The following MBOAT7 variants were observed in gnomAD, a reference collection of about 807,000 sequenced individuals.
MBOAT7 encodes membrane-bound acylglycerophosphatidylinositol O-acyltransferase MBOAT7.
Under a neutral mutation model 47.4 loss-of-function variants are expected in MBOAT7, and 40 were observed. The observed-to-expected ratio is 0.84, with a 90% confidence interval of 0.66 to 1.10. MBOAT7 has a LOEUF of 1.10. Ranked by LOEUF, MBOAT7 falls within the 50% of genes least tolerant of loss-of-function variation. MBOAT7 has a pLI of 0.00. For synonymous variants in MBOAT7, 361 were observed against 292.0 expected, an observed-to-expected ratio of 1.24 and a Z score of -2.41; for missense variants, 680 against 655.6, an observed-to-expected ratio of 1.04 and a Z score of -0.41.
intron 5 of MBOAT7, 68 bp from the exon 6 acceptor site, chr19:54,181,201 G>A: frequency 2.1e-6 from 3 of 1,434,366 alleles, no homozygotes; most frequent in South Asian, 1.5e-5. Flanking sequence ...TGCAGGAGGA[G>A]GACAGGGAGC....
chr19:54,175,708 C>T (rs2146961745), intron 7 of MBOAT7, among the ~76,000 whole-genome samples: 1 of 152,288 alleles, frequency 6.6e-6, no homozygotes, highest in South Asian at 2.1e-4. Context: ...CGCCACCAAA[C>T]TCAGCTAATT....
At chr19:54,184,040 G>C (rs911097310) in intron 4 of MBOAT7, among the ~76,000 whole-genome samples, 10 of 152,032 alleles carry the variant, frequency 6.6e-5, no homozygotes, top group African/African-American at 2.2e-4. Context: ...AACGGAACAT[G>C]ATGTTACCCA....
Position 54,178,774 on chromosome 19 carries a change from T to C in MBOAT7, c.1022A>G (p.Tyr341Cys), listed in dbSNP as rs2076181786. 21 of 1,613,252 alleles carry C rather than the reference T, an allele frequency of 1.3e-5. No individual in the cohort carries two copies. Among genetic ancestry groups the C allele is most frequent in the South Asian group, 5.5e-5 (5 of 91,082 alleles). The change falls in exon 7 of 8, where the codon TAT becomes TGT. Residue 341 changes from tyrosine (Y) to cysteine (C), a missense_variant. Transcript: ENST00000245615. The part of the protein sequence containing the change: ...YIYKSAPARS[Y>C]VLRSAWTMLL... ...GGGCGGGCTCACTCACCGCAGGACATAGGAACGGGCAGGTGCGCTCTTGTA... is the reference window on the plus strand; with the variant it reads ...GGGCGGGCTCACTCACCGCAGGACACAGGAACGGGCAGGTGCGCTCTTGTA...
intron 7 of MBOAT7, among the ~76,000 whole-genome samples, chr19:54,176,284 T>C (rs1253235530): frequency 6.6e-6 from 1 of 152,188 alleles, no homozygotes; most frequent in East Asian, 1.9e-4. Context: ...CCATTGCACC[T>C]GGCCAACTCT....
At chr19:54,176,048 G>A (rs887831495) in intron 7 of MBOAT7, among the ~76,000 whole-genome samples, 2 of 152,002 alleles carry the variant, frequency 1.3e-5, no homozygotes, top group African/African-American at 4.8e-5. Flanking sequence ...GTAGAGATGG[G>A]GTTTCACCAC....
intron 3 of MBOAT7, among the ~76,000 whole-genome samples, chr19:54,187,640 C>T (rs2076466872): frequency 6.6e-6 from 1 of 152,212 alleles, no homozygotes; most frequent in Non-Finnish European, 1.5e-5. Context: ...CCAGCAGACA[C>T]ACTGTCCACC....
intron 6 of MBOAT7, chr19:54,179,867 C>T (rs1481201557): frequency 6.6e-6 from 1 of 152,162 alleles, no homozygotes; most frequent in Non-Finnish European, 1.5e-5. Context: ...CCCCCAGCCG[C>T]AGTCCAAGCC....
At chr19:54,184,209 C>G (rs1491003604) in intron 4 of MBOAT7, among the ~76,000 whole-genome samples, 1 of 132,604 alleles carries the variant, frequency 7.5e-6, no homozygotes, top group Non-Finnish European at 1.6e-5. Flanking sequence ...TGTCACCAGG[C>G]TGGAGTATAC....
chr19:54,180,950 G>A lies in MBOAT7; in HGVS notation c.677C>T (p.Pro226Leu), dbSNP rs770883180. The A allele has an allele frequency of 5.7e-6, 9 of 1,582,786 alleles. No homozygotes were observed. Among genetic ancestry groups the A allele is most frequent in the East Asian group, 2.3e-5 (1 of 43,830 alleles). The stretch of plus-strand genomic sequence containing the variant: ...CATGTAGAAGAGGCGGGCGGGCAGC[G>A]GGCGGGCGTAGAAGGCGTCCTCGCG... ...AVREDAFYAR[P>L]LPARLFYMIP... is the part of the protein sequence containing the mutation. The change falls in exon 6 of 8, where the codon CCG becomes CTG. Residue 226 changes from proline to leucine, a missense_variant. Pro to Leu is a moderately conservative substitution (Grantham distance 98). Transcript: ENST00000245615. This position sits in a 1 kb window ranked among gnomAD's most constrained non-coding sequence, Gnocchi z 5.2.
At chr19:54,178,581 G>C (rs1330215337) in intron 7 of MBOAT7, 184 bp downstream of exon 7, 1 of 1,427,118 alleles carries the variant, frequency 7.0e-7, no homozygotes, top group African/African-American at 1.4e-5. Context: ...CCCGAGAGGG[G>C]GAACGATTTT....
chr19:54,187,570 C>G (rs1282328297), intron 3 of MBOAT7, among the ~76,000 whole-genome samples: 10 of 152,166 alleles, frequency 6.6e-5, no homozygotes, highest in Admixed American at 6.6e-4. Context: ...TTCTTTATTT[C>G]CGAGGTCCAG....
At chr19:54,181,637 G>A (rs1323329713) in intron 5 of MBOAT7, among the ~76,000 whole-genome samples, 21 of 125,234 alleles carry the variant, frequency 1.7e-4, no homozygotes, top group Middle Eastern at 4.3e-3. Context: ...GAGGGAGGGA[G>A]GGAAGGAGTG....
rs908586885 is a variant in MBOAT7, at chr19:54,178,611, A to G, written c.1031+154T>C. 9 of 1,430,940 alleles carry G rather than the reference A, an allele frequency of 6.3e-6. No individual in the cohort carries two copies. The Admixed American group carries it at 1.2e-4, about 19-fold the overall frequency. The allele number at this position is 1,430,940 out of a possible 1,614,324, so 88.6% of individuals were successfully genotyped here. ...GATTTTACACCGGCATGCTGCCACT[A>G]TAATTAGAGGCAGGGCAAAACCAGG... On this transcript the variant is annotated intron_variant, in intron 7 of 7. Coordinates refer to ENST00000245615, the MANE Select transcript of MBOAT7 (RefSeq NM_024298.5).
intron 4 of MBOAT7, among the ~76,000 whole-genome samples, chr19:54,185,427 G>T (rs987584901): frequency 2.0e-5 from 3 of 151,994 alleles, no homozygotes; most frequent in African/African-American, 7.2e-5. Flanking sequence ...GGTTGGGAAC[G>T]GCTCCTTCTG....
chr19:54,187,038 G>T, intron 4 of MBOAT7, 123 bp downstream of exon 4: 2 of 1,239,466 alleles, frequency 1.6e-6, no homozygotes, highest in Non-Finnish European at 2.2e-6. Flanking sequence ...CAAGTGAGGT[G>T]ACGTCCCACC....
chr19:54,187,518 T>C (rs866469964), intron 3 of MBOAT7, among the ~76,000 whole-genome samples: 7 of 152,232 alleles, frequency 4.6e-5, no homozygotes, highest in Middle Eastern at 3.4e-3. Context: ...GAGAATGAGG[T>C]TAAGAGAAGC....
At chr19:54,177,950 G>A (rs1219906279) in intron 7 of MBOAT7, among the ~76,000 whole-genome samples, 9 of 118,094 alleles carry the variant, frequency 7.6e-5, no homozygotes, top group East Asian at 2.6e-4. Context: ...TCTCGCTGTC[G>A]CCCAGGCTGG....
intron 7 of MBOAT7, 53 bp from the exon 8 acceptor site, chr19:54,174,484 C>T: frequency 1.4e-6 from 2 of 1,464,852 alleles, no homozygotes; most frequent in Non-Finnish European, 9.0e-7. Flanking sequence ...CCAGTGCCCA[C>T]TGCCCCCAGA....
chr19:54,188,345 A>C lies in MBOAT7; in HGVS notation c.78T>G (p.Gly26=), dbSNP rs761787251. 7.4e-6 allele frequency: 12 copies of C among 1,613,580 alleles called. No homozygotes were observed. The highest frequency in any genetic ancestry group is 3.3e-4 in the Middle Eastern group (2 of 6,060). The part of the protein sequence containing the change: ...IPIGFLFKKA[G]PGLKRWGAAA... ...CTGCTCCCCATCTCTTCAGCCCAGG[A>C]CCTGCAGGGGGAAGGGACAGCATAA... Residue 26 remains glycine, a splice_region_variant and synonymous_variant, in exon 3 of 8, where the codon GGT becomes GGG. Transcript: ENST00000245615.
Sources: gnomAD v4.1 joint callset for allele counts (sites outside exome capture counted in the v4.1 genomes callset) on GRCh38, gnomAD v4.1.1 for gene constraint, Gnocchi (gnomAD v3.1) non-coding constraint, MANE v1.5 for transcripts, NCBI Gene and HGNC (gene_info 2026-07-23, HGNC 2026-07-21) for gene names.